The following CRHR1 variants were observed in gnomAD, a reference collection of about 807,000 sequenced individuals.
The protein encoded by CRHR1 is corticotropin-releasing hormone receptor 1.
In CRHR1, 28 loss-of-function variants were observed where a neutral mutation model predicts 56.0. That is an observed-to-expected ratio of 0.50 (90% CI 0.37 to 0.69). The LOEUF (loss-of-function observed/expected upper bound fraction) is 0.69. Among genes scored for constraint, CRHR1 ranks in the 30% least tolerant of loss-of-function variants. The probability of loss-of-function intolerance (pLI) is 0.00; values close to 1 mark genes in which losing one functional copy is unlikely to be tolerated. For missense variants in CRHR1, 376 were observed against 548.0 expected, an observed-to-expected ratio of 0.69 and a Z score of 3.13; for synonymous variants, 195 against 216.5, an observed-to-expected ratio of 0.90 and a Z score of 0.87.
intron 8 of CRHR1, among the ~76,000 whole-genome samples, chr17:45,831,433 T>C (rs2062306701): frequency 6.6e-6 from 1 of 152,246 alleles, no homozygotes; most frequent in African/African-American, 2.4e-5. Flanking sequence ...GAAGTGGACC[T>C]AGATGATCTC....
chr17:45,792,120 C>T lies in CRHR1; in HGVS notation c.33+7543C>T, dbSNP rs144853345. Among the ~76,000 whole-genome samples the T allele has an allele frequency of 4.8e-3, 732 of 152,238 alleles. 7 individuals carry two copies. The highest frequency in any genetic ancestry group is 0.016 in the African/African-American group (677 of 41,520). On this transcript the variant is annotated intron_variant, in intron 1 of 12. Transcript: ENST00000314537. ...GTGACTAGCAGGTTAGACAGCCTCC[C>T]CGGCATCCCTCAGCTGCCCGTGCCT...
intron 4 of CRHR1, among the ~76,000 whole-genome samples, chr17:45,825,162 G>T (rs116943158): frequency 0.011 from 1,689 of 152,298 alleles, 15 homozygotes; most frequent in South Asian, 0.043. Context: ...CAGCGCCCTG[G>T]GGTATCGCAG....
At chr17:45,820,722 A>G (rs899235137) in intron 3 of CRHR1, among the ~76,000 whole-genome samples, 19 of 152,096 alleles carry the variant, frequency 1.2e-4, no homozygotes, top group Admixed American at 5.9e-4. Flanking sequence ...CCACCCACAG[A>G]CCACGACCTT....
At chr17:45,810,828 G>T (rs2061808832) in intron 2 of CRHR1, among the ~76,000 whole-genome samples, 4 of 152,234 alleles carry the variant, frequency 2.6e-5, no homozygotes. Flanking sequence ...GCTCAGCCAT[G>T]AGGTGGCCGA....
At chr17:45,808,191 A>G (rs556305909) in intron 2 of CRHR1, among the ~76,000 whole-genome samples, 23 of 152,350 alleles carry the variant, frequency 1.5e-4, no homozygotes, top group African/African-American at 5.3e-4. Flanking sequence ...TGCATGTGCG[A>G]TGAGGCAGAG....
intron 1 of CRHR1, among the ~76,000 whole-genome samples, chr17:45,796,422 G>T (rs1466129838): frequency 6.6e-6 from 1 of 152,212 alleles, no homozygotes; most frequent in African/African-American, 2.4e-5. Flanking sequence ...GAGCTGGGCT[G>T]CAGCCAGGAG....
chr17:45,828,834 C>T (rs1390090137), intron 4 of CRHR1, among the ~76,000 whole-genome samples: 1 of 152,186 alleles, frequency 6.6e-6, no homozygotes, highest in Admixed American at 6.5e-5. Context: ...GGTGTCTCTG[C>T]AGCTGAGAGG....
intron 1 of CRHR1, among the ~76,000 whole-genome samples, chr17:45,790,435 C>G (rs1032922433): frequency 1.3e-5 from 2 of 152,182 alleles, no homozygotes; most frequent in Non-Finnish European, 2.9e-5. Flanking sequence ...TTCCCCTTCA[C>G]GTAGAACTGC....
intron 1 of CRHR1, among the ~76,000 whole-genome samples, chr17:45,789,957 G>A (rs2061398765): frequency 6.6e-6 from 1 of 152,224 alleles, no homozygotes; most frequent in Non-Finnish European, 1.5e-5. Flanking sequence ...CACAGTAAGT[G>A]CATAATAAAT....
chr17:45,823,403 C>CTTTTT (rs71138512), intron 4 of CRHR1, among the ~76,000 whole-genome samples: 4 of 100,606 alleles, frequency 4.0e-5, no homozygotes, highest in Admixed American at 2.4e-4. Flanking sequence ...GGGACATTCC[C>CTTTTT]TTTTTTTTTT....
At position 45,834,036 on chromosome 17, in the gene CRHR1, C is replaced by T. The variant is rs1418021242; in HGVS notation, c.1095C>T (p.Phe365=). 1 of 1,613,434 alleles carries T rather than the reference C, an allele frequency of 6.2e-7. No individual in the cohort carries two copies. The highest frequency in any genetic ancestry group is 2.2e-5 in the East Asian group (1 of 44,876). The change falls in exon 12 of 13, where the codon TTC becomes TTT. Residue 365 remains phenylalanine, a synonymous_variant. Coordinates refer to ENST00000314537, the MANE Select transcript of CRHR1 (RefSeq NM_004382.5). ...QGFFVSVFYC[F]LNSEVRSAIR... is the part of the protein sequence containing the mutation. Reference sequence around the variant, plus strand: ...TCTTTGTGTCTGTGTTCTACTGTTTCCTCAATAGTGAGGTGAGGACCCGGG... The same window carrying T: ...TCTTTGTGTCTGTGTTCTACTGTTTTCTCAATAGTGAGGTGAGGACCCGGG...
chr17:45,787,121 G>A (rs1421683156), intron 1 of CRHR1, among the ~76,000 whole-genome samples: 1 of 152,146 alleles, frequency 6.6e-6, no homozygotes, highest in Non-Finnish European at 1.5e-5. Context: ...GGCCTATATT[G>A]TGGGCCTCAC....
At chr17:45,794,207 GGTCTAGACCCT>G (rs1410554865) in intron 1 of CRHR1, among the ~76,000 whole-genome samples, 1 of 152,236 alleles carries the variant, frequency 6.6e-6, no homozygotes, top group Non-Finnish European at 1.5e-5. Flanking sequence ...CATCTGAATT[GGTCTAGACCCT>G]GTTTGACGAG....
intron 1 of CRHR1, among the ~76,000 whole-genome samples, chr17:45,802,337 C>A (rs72834575): frequency 0.09 from 13,704 of 152,082 alleles, 747 homozygotes; most frequent in Middle Eastern, 0.14. Context: ...AACAAACAAA[C>A]AAAAAAATTC....
At chr17:45,790,720 G>T (rs950513206) in intron 1 of CRHR1, among the ~76,000 whole-genome samples, 1 of 152,178 alleles carries the variant, frequency 6.6e-6, no homozygotes, top group Non-Finnish European at 1.5e-5. Context: ...AGTGCGCCTA[G>T]GTCAGAGCCC....
chr17:45,833,693 T>TGGGGCCCCCCCCCCCCCCCC, intron 10 of CRHR1, 21 bp from the exon 11 acceptor site: 2 of 1,571,608 alleles, frequency 1.3e-6, no homozygotes, highest in Non-Finnish European at 1.7e-6. Context: ...ACTCCGAGCC[T>TGGGGCCCCCCCCCCCCCCCC]CCCCACCCGC....
chr17:45,833,299 A>G, intron 9 of CRHR1, 89 bp downstream of exon 9: 1 of 1,497,348 alleles, frequency 6.7e-7, no homozygotes, highest in Non-Finnish European at 9.3e-7. Flanking sequence ...CTCTACCTAG[A>G]GGTGGGGGCC....
At chr17:45,822,069 G>A (rs886103501) in intron 4 of CRHR1, among the ~76,000 whole-genome samples, 3 of 151,502 alleles carry the variant, frequency 2.0e-5, no homozygotes, top group African/African-American at 7.3e-5. Flanking sequence ...CCGCATACAC[G>A]AGTAATTTTG....
At chr17:45,829,551 C>T (rs896687832) in intron 5 of CRHR1, 4 of 1,548,086 alleles carry the variant, frequency 2.6e-6, no homozygotes, top group Admixed American at 2.0e-5. Context: ...CTTATGTCAC[C>T]CATACCCAGG....
Sources: allele counts gnomAD v4.1 joint callset (sites outside exome capture counted in the v4.1 genomes callset), GRCh38; gene constraint gnomAD v4.1.1; transcripts MANE v1.5; gene names NCBI Gene and HGNC (gene_info 2026-07-23, HGNC 2026-07-21).